The following GPHN variants were observed in gnomAD, a reference collection of about 807,000 sequenced individuals.
GPHN encodes gephyrin.
Under a neutral mutation model 95.5 loss-of-function variants are expected in GPHN, and 17 were observed. The observed-to-expected ratio is 0.18, with a 90% CI of 0.12 to 0.27. GPHN has a LOEUF of 0.27. Ranked by LOEUF, GPHN falls within the 10% of genes least tolerant of loss-of-function variation. The pLI is 1.00. For missense variants in GPHN, 660 were observed against 978.1 expected (o/e 0.67, Z 4.34); for synonymous variants, 320 against 322.5 (o/e 0.99, Z 0.08).
chr14:67,559,531 C>T, the GPHN span: 3 of 1,009,478 alleles, frequency 3.0e-6, no homozygotes, highest in Admixed American at 4.0e-5. Context: ...CTTGGCCTTT[C>T]TTGGGGTTTC....
At position 67,165,144 on chromosome 14, in the gene GPHN, ACT is replaced by A. The variant is rs753552225; in HGVS notation, c.1911-15_1911-14del. 33 of 1,574,416 alleles carry A rather than the reference ACT, an allele frequency of 2.1e-5. No homozygotes were observed. In the East Asian group the frequency reaches 6.0e-4, roughly 29 times the overall value. ...ATTGCTTAGCAATCACTAACAAGTG[ACT>A]CTTTTTTTCTTCTAGCTTGCCAACA... On this transcript the variant is annotated splice_polypyrimidine_tract_variant and intron_variant, in intron 19 of 22. Coordinates refer to ENST00000478722, the MANE Select transcript of GPHN (RefSeq NM_020806.5).
chr14:67,128,541 T>C (rs767514808), intron 17 of GPHN, among the ~76,000 whole-genome samples: 1 of 152,358 alleles, frequency 6.6e-6, no homozygotes, highest in East Asian at 1.9e-4. Context: ...ATAAATATGG[T>C]ATATGCATGG....
intron 1 of GPHN, among the ~76,000 whole-genome samples, chr14:66,586,590 C>G (rs763473921): frequency 2.0e-5 from 3 of 152,096 alleles, no homozygotes; most frequent in Non-Finnish European, 4.4e-5. Context: ...TTGGTGGTGA[C>G]AACATATCTC....
chr14:67,632,049 T>A, the GPHN span, among the ~76,000 whole-genome samples: 13 of 152,054 alleles, frequency 8.5e-5, no homozygotes, highest in African/African-American at 3.1e-4. Context: ...TAATTTTGTT[T>A]ATTTTTTTCT....
intron 10 of GPHN, among the ~76,000 whole-genome samples, chr14:67,026,546 C>G (rs924969713): frequency 6.6e-6 from 1 of 152,204 alleles, no homozygotes; most frequent in African/African-American, 2.4e-5. Flanking sequence ...TTAAAGATTC[C>G]AGAGTTAAAT....
chr14:66,899,116 C>A (rs923465758), intron 5 of GPHN, among the ~76,000 whole-genome samples: 3 of 123,308 alleles, frequency 2.4e-5, no homozygotes, highest in African/African-American at 4.0e-5. Flanking sequence ...TCTAGGAGGG[C>A]TTTTTCTTTT....
At chr14:67,047,328 G>GTGTT (rs1395991189) in intron 10 of GPHN, among the ~76,000 whole-genome samples, 5 of 96,630 alleles carry the variant, frequency 5.2e-5, no homozygotes, top group Admixed American at 1.1e-4. Flanking sequence ...TTGTGTGTGT[G>GTGTT]TGTGTTTGTG....
intron 3 of GPHN, among the ~76,000 whole-genome samples, chr14:66,777,618 A>G (rs1161278818): frequency 6.6e-6 from 1 of 152,190 alleles, no homozygotes; most frequent in Admixed American, 6.5e-5. Flanking sequence ...CAAAAAGCTT[A>G]TCCACCACGA....
At chr14:67,375,887 A>G in the GPHN span, among the ~76,000 whole-genome samples, 2 of 152,220 alleles carry the variant, frequency 1.3e-5, no homozygotes, top group Non-Finnish European at 1.5e-5. Flanking sequence ...GTGTGTTAAT[A>G]GATCTTATTG....
At chr14:67,069,262 G>T (rs1379832159) in intron 11 of GPHN, among the ~76,000 whole-genome samples, 1 of 152,162 alleles carries the variant, frequency 6.6e-6, no homozygotes, top group Admixed American at 6.5e-5. Flanking sequence ...TTCAGCAACT[G>T]CTTCCCTTTC....
the GPHN span, among the ~76,000 whole-genome samples, chr14:67,560,468 A>C: frequency 6.6e-6 from 1 of 152,088 alleles, no homozygotes; most frequent in Non-Finnish European, 1.5e-5. Context: ...CATCACTGCT[A>C]TCTATGTCTA....
At chr14:66,810,861 A>G (rs1358962565) in intron 3 of GPHN, among the ~76,000 whole-genome samples, 1 of 152,152 alleles carries the variant, frequency 6.6e-6, no homozygotes, top group East Asian at 1.9e-4. Flanking sequence ...TAAAACTGGA[A>G]TGGGTACCCA....
chr14:66,619,715 G>A (rs2063206938), intron 1 of GPHN, among the ~76,000 whole-genome samples: 1 of 151,884 alleles, frequency 6.6e-6, no homozygotes. Context: ...TTATTCCTAA[G>A]CATTTTTATA....
At chr14:67,552,191 C>G in the GPHN span, among the ~76,000 whole-genome samples, 1 of 152,190 alleles carries the variant, frequency 6.6e-6, no homozygotes, top group African/African-American at 2.4e-5. Context: ...CTAAACCTGA[C>G]ACCTCCTTGG....
chr14:67,424,597 T>TAAAAAAAA, the GPHN span, among the ~76,000 whole-genome samples: 1 of 124,896 alleles, frequency 8.0e-6, no homozygotes, highest in East Asian at 2.3e-4. Context: ...AGACGCTGTT[T>TAAAAAAAA]AAAAAAAAAA....
chr14:67,728,713 G>GGT, the GPHN span, among the ~76,000 whole-genome samples: 1 of 150,126 alleles, frequency 6.7e-6, no homozygotes, highest in East Asian at 2.0e-4. Context: ...TGGGGGGGGG[G>GGT]TGTTAATCCC....
At chr14:67,695,696 T>C in the GPHN span, 4 of 1,614,128 alleles carry the variant, frequency 2.5e-6, no homozygotes, top group South Asian at 4.4e-5. Flanking sequence ...GAACATGAGC[T>C]CAACCATCTC....
intron 1 of GPHN, among the ~76,000 whole-genome samples, chr14:66,582,554 T>G (rs1341655688): frequency 6.6e-6 from 1 of 150,768 alleles, no homozygotes; most frequent in Non-Finnish European, 1.5e-5. Flanking sequence ...CCCACAACAG[T>G]CCCCAGTGTG....
chr14:66,528,568 T>C (rs1356525981), intron 1 of GPHN, among the ~76,000 whole-genome samples: 3 of 152,276 alleles, frequency 2.0e-5, no homozygotes, highest in Non-Finnish European at 4.4e-5. Context: ...CGATGGTTTT[T>C]ACAATTTGGT....
Sources: gnomAD v4.1 joint callset for allele counts (sites outside exome capture counted in the v4.1 genomes callset) on GRCh38, gnomAD v4.1.1 for gene constraint, MANE v1.5 for transcripts, NCBI Gene and HGNC (gene_info 2026-07-23, HGNC 2026-07-21) for gene names.